BRAF: variants seen among roughly 807,000 people sequenced by gnomAD.
BRAF encodes serine/threonine-protein kinase B-raf.
BRAF carries 16 observed loss-of-function variants against 104.6 expected under a neutral mutation model. That is an observed-to-expected ratio of 0.15 (90% CI 0.10 to 0.23). The LOEUF (loss-of-function observed/expected upper bound fraction) is 0.23, where lower values mean the gene tolerates loss of function less well. BRAF is among the 10% of genes least tolerant of loss of function. The probability of loss-of-function intolerance (pLI) is 1.00; values close to 1 mark genes in which losing one functional copy is unlikely to be tolerated. For synonymous variants in BRAF, 310 were observed against 341.6 expected, an observed-to-expected ratio of 0.91 and a Z score of 1.02; for missense variants, 541 against 937.3, an observed-to-expected ratio of 0.58 and a Z score of 5.52.
Position 140,763,103 on chromosome 7 carries a change from G to A in BRAF, c.1815-8870C>T, listed in dbSNP as rs564481844. ...AAAACCGCCATTGTCATCATGGCCC[G>A]TTCTCAATGAGCTGTTGGGTACACC... On this transcript the variant is annotated intron_variant, in intron 14 of 19. Coordinates refer to ENST00000644969, the MANE Select transcript of BRAF (RefSeq NM_001374258.1). Among the ~76,000 whole-genome samples the A allele has an allele frequency of 1.4e-4, 21 of 152,338 alleles. No homozygotes were observed. The East Asian group carries it at 1.9e-3, about 14-fold the overall frequency.
chr7:140,807,899 A>C (rs1586236927), intron 5 of BRAF, 61 bp downstream of exon 5: 1 of 1,364,860 alleles, frequency 7.3e-7, no homozygotes, highest in East Asian at 2.4e-5. Context: ...CCTAAATAAA[A>C]ATTCATTCAT....
chr7:140,792,206 T>C (rs927998135), intron 8 of BRAF, among the ~76,000 whole-genome samples: 1 of 152,196 alleles, frequency 6.6e-6, no homozygotes, highest in African/African-American at 2.4e-5. Flanking sequence ...TTAAATATCA[T>C]TTCTTGTCTG....
chr7:140,756,052 T>C (rs1798178045), intron 14 of BRAF, among the ~76,000 whole-genome samples: 2 of 151,986 alleles, frequency 1.3e-5, no homozygotes, highest in African/African-American at 2.4e-5. Context: ...CAGAGGAATA[T>C]AGCAAGAATA....
chr7:140,835,732 C>G (rs990884347), intron 2 of BRAF: 1 of 152,054 alleles, frequency 6.6e-6, no homozygotes, highest in Non-Finnish European at 1.5e-5. Context: ...TTTAAAAGAA[C>G]AGAATGACAT....
chr7:140,771,157 G>T (rs1799811098), intron 14 of BRAF, among the ~76,000 whole-genome samples: 1 of 151,970 alleles, frequency 6.6e-6, no homozygotes, highest in Admixed American at 6.6e-5. Context: ...TCCAATAAAG[G>T]TGACACATTT....
intron 17 of BRAF, among the ~76,000 whole-genome samples, chr7:140,746,900 T>C (rs1366698164): frequency 6.6e-6 from 1 of 151,478 alleles, no homozygotes; most frequent in African/African-American, 2.4e-5. Flanking sequence ...TCTACCTACC[T>C]GAGTCCAAGG....
chr7:140,816,000 T>C (rs373331624), intron 3 of BRAF, among the ~76,000 whole-genome samples: 1 of 152,310 alleles, frequency 6.6e-6, no homozygotes, highest in East Asian at 1.9e-4. Context: ...AATTACTTTA[T>C]TAGTATTCTA....
rs991890073 is a variant in BRAF, at chr7:140,726,376, G to T, written c.*118C>A. ...TCCATTCTGTTCCACATCAGCTTAT[G>T]CATTGGAAATTTTGTATCTTTAAAA... On this transcript the variant is annotated 3_prime_UTR_variant, in exon 20 of 20. Coordinates refer to ENST00000644969, the MANE Select transcript of BRAF (RefSeq NM_001374258.1). 6.6e-7 allele frequency: 1 copy of T among 1,503,900 alleles called. No individual in the cohort carries two copies. Among genetic ancestry groups the T allele is most frequent in the Non-Finnish European group, 8.8e-7 (1 of 1,134,062 alleles). The allele number at this position is 1,503,900 out of a possible 1,614,324, so 93.2% of individuals were successfully genotyped here. A position where few individuals can be genotyped will look rare whatever the true frequency, so the allele number is the denominator to read the frequency against.
At position 140,775,262 on chromosome 7, in the gene BRAF, C is replaced by A. The variant is rs139828253; in HGVS notation, c.1814+1650G>T. Among the ~76,000 whole-genome samples the A allele has an allele frequency of 3.6e-3, 548 of 152,218 alleles. 6 individuals are homozygous for A. The highest frequency in any genetic ancestry group is 0.012 in the African/African-American group (519 of 41,532). On this transcript the variant is annotated intron_variant, in intron 14 of 19. Transcript: ENST00000644969. ...GCCTGCTGAAGAAATTGCAAAGAGA[C>A]CAGTGGTGTGGGAAGAGAATAAGCC...
At chr7:140,774,068 A>G (rs1800098363) in intron 14 of BRAF, among the ~76,000 whole-genome samples, 1 of 152,232 alleles carries the variant, frequency 6.6e-6, no homozygotes, top group Non-Finnish European at 1.5e-5. Flanking sequence ...GTGTCGGTAC[A>G]TTTAACCAGT....
chr7:140,901,424 A>T (rs1335327624), intron 1 of BRAF, among the ~76,000 whole-genome samples: 3 of 152,222 alleles, frequency 2.0e-5, no homozygotes, highest in African/African-American at 7.2e-5. Context: ...GAGTGGAAAA[A>T]GGAATTAAAG....
chr7:140,820,659 G>GCCA (rs1805377626), intron 3 of BRAF, among the ~76,000 whole-genome samples: 1 of 152,072 alleles, frequency 6.6e-6, no homozygotes, highest in East Asian at 1.9e-4. Context: ...ATATCTCAGG[G>GCCA]CCAGGTGCAG....
intron 14 of BRAF, among the ~76,000 whole-genome samples, chr7:140,764,911 C>T (rs1163080105): frequency 6.6e-6 from 1 of 152,188 alleles, no homozygotes; most frequent in Admixed American, 6.5e-5. Flanking sequence ...CCCCATCAAG[C>T]TACCAATGAC....
At chr7:140,734,506 G>A in intron 19 of BRAF, 2 of 1,603,552 alleles carry the variant, frequency 1.2e-6, no homozygotes, top group Non-Finnish European at 1.7e-6. Flanking sequence ...AAAAAAAAGA[G>A]AGTATTTTAT....
downstream of BRAF, among the ~76,000 whole-genome samples, chr7:140,717,680 C>G (rs796760365): frequency 1.2e-4 from 19 of 152,272 alleles, no homozygotes; most frequent in African/African-American, 4.6e-4. Context: ...CTTTATAATA[C>G]AACTTTATAA....
intron 3 of BRAF, among the ~76,000 whole-genome samples, chr7:140,809,517 C>T (rs886768069): frequency 6.6e-6 from 1 of 152,170 alleles, no homozygotes; most frequent in African/African-American, 2.4e-5. Flanking sequence ...ATTCCCTTCT[C>T]TAGAAATCCA....
chr7:140,731,231 G>T (rs966953241), intron 19 of BRAF: 13 of 152,214 alleles, frequency 8.5e-5, no homozygotes, highest in African/African-American at 3.1e-4. Flanking sequence ...TGTCCAGGCT[G>T]GTCTCAAACT....
chr7:140,923,518 T>C (rs1244927712), intron 1 of BRAF, among the ~76,000 whole-genome samples: 3 of 151,416 alleles, frequency 2.0e-5, no homozygotes, highest in Non-Finnish European at 2.9e-5. Context: ...AGGAAAAAAA[T>C]AGGACAAAAA....
chr7:140,794,493 T>A (rs1212343982), intron 7 of BRAF, 26 bp from the exon 8 acceptor site: 1 of 1,610,674 alleles, frequency 6.2e-7, no homozygotes, highest in Non-Finnish European at 8.5e-7. Context: ...CATTGGAAGA[T>A]AAGATTCAGA....
Sources: gnomAD v4.1 joint callset for allele counts (sites outside exome capture counted in the v4.1 genomes callset) on GRCh38, gnomAD v4.1.1 for gene constraint, MANE v1.5 for transcripts, NCBI Gene and HGNC (gene_info 2026-07-23, HGNC 2026-07-21) for gene names.